Variants in DPYD observed in about 807,000 individuals in gnomAD.
The protein encoded by DPYD is dihydropyrimidine dehydrogenase, also known as dihydropyrimidine dehydrogenase [NADP(+)].
DPYD carries 109 observed loss-of-function variants against 116.2 expected under a neutral mutation model. The observed-to-expected ratio is 0.94, with a 90% CI of 0.80 to 1.10. DPYD has a LOEUF of 1.10. DPYD is among the 50% of genes least tolerant of loss of function. The probability of loss-of-function intolerance (pLI) is 0.00; values close to 1 mark genes in which losing one functional copy is unlikely to be tolerated. For missense variants in DPYD, 1,302 were observed against 1,254.5 expected, an observed-to-expected ratio of 1.04 and a Z score of -0.57; for synonymous variants, 440 against 432.0, an observed-to-expected ratio of 1.02 and a Z score of -0.23.
intron 8 of DPYD, among the ~76,000 whole-genome samples, chr1:97,614,015 T>G (rs936477670): frequency 6.6e-6 from 1 of 152,090 alleles, no homozygotes; most frequent in Non-Finnish European, 1.5e-5. Flanking sequence ...TGAGTTGATA[T>G]TCAAGTAACT....
intron 8 of DPYD, among the ~76,000 whole-genome samples, chr1:97,607,566 G>C (rs544567196): frequency 6.6e-6 from 1 of 151,824 alleles, no homozygotes; most frequent in Non-Finnish European, 1.5e-5. Context: ...AATCCAGGGA[G>C]AGCGTATACA....
chr1:97,281,345 A>T (rs1451044505), intron 18 of DPYD, among the ~76,000 whole-genome samples: 5 of 151,912 alleles, frequency 3.3e-5, no homozygotes, highest in African/African-American at 1.2e-4. Flanking sequence ...TGAAAACCAG[A>T]TCACAAGAGA....
At chr1:97,468,931 T>C (rs1260677947) in intron 13 of DPYD, among the ~76,000 whole-genome samples, 1 of 152,212 alleles carries the variant, frequency 6.6e-6, no homozygotes, top group African/African-American at 2.4e-5. Flanking sequence ...AGCCAATGCA[T>C]AATAATGGAT....
chr1:97,770,677 T>C (rs745935885), intron 3 of DPYD, among the ~76,000 whole-genome samples: 5 of 152,216 alleles, frequency 3.3e-5, no homozygotes, highest in Non-Finnish European at 7.3e-5. Context: ...AATATAACAA[T>C]TACTTTTATT....
intron 7 of DPYD, among the ~76,000 whole-genome samples, chr1:97,686,304 C>G (rs1003375948): frequency 5.3e-5 from 8 of 152,116 alleles, no homozygotes; most frequent in Non-Finnish European, 1.0e-4. Flanking sequence ...AGACCCCTTC[C>G]TTACACCTTA....
chr1:97,138,220 G>T (rs1435752424), intron 20 of DPYD, among the ~76,000 whole-genome samples: 2 of 152,140 alleles, frequency 1.3e-5, no homozygotes, highest in African/African-American at 2.4e-5. Context: ...ATGGCATGTG[G>T]AAACAGGGAC....
chr1:97,894,145 C>T (rs1672928741), intron 1 of DPYD, among the ~76,000 whole-genome samples: 1 of 151,752 alleles, frequency 6.6e-6, no homozygotes, highest in Admixed American at 6.6e-5. Context: ...AGGTAAGAAT[C>T]CTTTTCCCTC....
chr1:97,687,031 G>A (rs1011027523), intron 7 of DPYD, among the ~76,000 whole-genome samples: 3 of 152,130 alleles, frequency 2.0e-5, no homozygotes, highest in African/African-American at 7.2e-5. Flanking sequence ...AGCAATTTGG[G>A]AGGCTAAGGC....
chr1:97,172,838 A>T (rs1365995965), intron 20 of DPYD, among the ~76,000 whole-genome samples: 3 of 152,200 alleles, frequency 2.0e-5, no homozygotes, highest in African/African-American at 4.8e-5. Context: ...ATTTAGCCAG[A>T]GCCAGCCATT....
chr1:97,729,670 G>A (rs1663478265), intron 4 of DPYD, among the ~76,000 whole-genome samples: 1 of 152,030 alleles, frequency 6.6e-6, no homozygotes, highest in South Asian at 2.1e-4. Flanking sequence ...CATATGAATG[G>A]TGGTAAATTT....
intron 13 of DPYD, among the ~76,000 whole-genome samples, chr1:97,467,402 C>A (rs1328697848): frequency 6.6e-6 from 1 of 152,190 alleles, no homozygotes. Flanking sequence ...GAACTGTAAG[C>A]CCCCTGCTTC....
chr1:97,847,417 T>C (rs1261183237), intron 2 of DPYD, among the ~76,000 whole-genome samples: 1 of 152,112 alleles, frequency 6.6e-6, no homozygotes, highest in Non-Finnish European at 1.5e-5. Flanking sequence ...TAAAAATATT[T>C]AAAATCATTC....
intron 13 of DPYD, among the ~76,000 whole-genome samples, chr1:97,475,500 C>T (rs575489771): frequency 6.6e-6 from 1 of 152,140 alleles, no homozygotes; most frequent in Non-Finnish European, 1.5e-5. Context: ...ATAGAGCTAG[C>T]ATGGATTAAT....
intron 12 of DPYD, among the ~76,000 whole-genome samples, chr1:97,517,107 T>C (rs1171574055): frequency 6.6e-6 from 1 of 152,168 alleles, no homozygotes; most frequent in African/African-American, 2.4e-5. Flanking sequence ...GTTCACTTAA[T>C]ATGTAAAAAG....
chr1:97,757,561 A>T (rs1344150948), intron 3 of DPYD, among the ~76,000 whole-genome samples: 1 of 152,154 alleles, frequency 6.6e-6, no homozygotes, highest in Non-Finnish European at 1.5e-5. Flanking sequence ...AAAGATAACG[A>T]TGCCATTGTT....
chr1:97,862,175 C>T (rs1186386788), intron 2 of DPYD, among the ~76,000 whole-genome samples: 1 of 151,710 alleles, frequency 6.6e-6, no homozygotes. Flanking sequence ...ATAAAATATA[C>T]CAGAGTATAT....
intron 1 of DPYD, among the ~76,000 whole-genome samples, chr1:97,886,620 A>G (rs1209025489): frequency 1.3e-5 from 2 of 152,068 alleles, no homozygotes; most frequent in Non-Finnish European, 2.9e-5. Context: ...TCAGCTCTGG[A>G]GCAGTGGCCC....
At chr1:97,621,944 A>G (rs189105013) in intron 8 of DPYD, among the ~76,000 whole-genome samples, 27 of 152,228 alleles carry the variant, frequency 1.8e-4, no homozygotes, top group Admixed American at 1.5e-3. Context: ...AAACAAAGTG[A>G]TATTAGTTTA....
chr1:97,847,200 A>C (rs1670350242), intron 2 of DPYD, among the ~76,000 whole-genome samples: 1 of 152,246 alleles, frequency 6.6e-6, no homozygotes, highest in Non-Finnish European at 1.5e-5. Flanking sequence ...CCACAAAATA[A>C]ATTTGGAATA....
Sources: allele counts gnomAD v4.1 joint callset (sites outside exome capture counted in the v4.1 genomes callset), GRCh38; gene constraint gnomAD v4.1.1; transcripts MANE v1.5; gene names NCBI Gene and HGNC (gene_info 2026-07-23, HGNC 2026-07-21).